PARD3B: variants seen among roughly 807,000 people sequenced by gnomAD.
PARD3B encodes the protein par-3 family cell polarity regulator beta.
Under a neutral mutation model 130.2 loss-of-function variants are expected in PARD3B, and 103 were observed. That is an observed-to-expected ratio of 0.79 (90% CI 0.67 to 0.93). PARD3B has a LOEUF of 0.93. Among genes scored for constraint, PARD3B ranks in the 40% least tolerant of loss-of-function variants. The pLI, the probability that PARD3B is intolerant of heterozygous loss-of-function variation, is 0.00. For synonymous variants in PARD3B, 583 were observed against 553.2 expected (o/e 1.05, Z -0.76); for missense variants, 1,609 against 1,499.2 (o/e 1.07, Z -1.21).
chr2:205,260,156 CA>C (rs929587394), intron 16 of PARD3B, among the ~76,000 whole-genome samples: 1 of 151,798 alleles, frequency 6.6e-6, no homozygotes, highest in Non-Finnish European at 1.5e-5. Context: ...TAGTTAATGA[CA>C]AAAAATAGGA....
At chr2:205,362,223 G>A (rs2105882650) in intron 18 of PARD3B, among the ~76,000 whole-genome samples, 2 of 152,222 alleles carry the variant, frequency 1.3e-5, no homozygotes. Context: ...TTGAGTCACA[G>A]CATTAAATAT....
At chr2:204,659,479 A>G (rs1349318296) in intron 1 of PARD3B, among the ~76,000 whole-genome samples, 1 of 152,158 alleles carries the variant, frequency 6.6e-6, no homozygotes, top group Non-Finnish European at 1.5e-5. Flanking sequence ...AGGAATGGTG[A>G]TAGGTGGCCA....
intron 10 of PARD3B, among the ~76,000 whole-genome samples, chr2:205,149,240 G>T (rs1199903518): frequency 6.6e-6 from 1 of 152,010 alleles, no homozygotes; most frequent in Non-Finnish European, 1.5e-5. Flanking sequence ...GCCTGACCAG[G>T]TAGACTCTTC....
chr2:204,572,341 G>T (rs2125069502), intron 1 of PARD3B, among the ~76,000 whole-genome samples: 1 of 152,230 alleles, frequency 6.6e-6, no homozygotes, highest in South Asian at 2.1e-4. Flanking sequence ...ACATGTAGTG[G>T]GAATGAGGGG....
intron 22 of PARD3B, among the ~76,000 whole-genome samples, chr2:205,579,110 T>C (rs1445096998): frequency 6.6e-6 from 1 of 152,220 alleles, no homozygotes; most frequent in African/African-American, 2.4e-5. Flanking sequence ...AGAAAATATA[T>C]TTCTCTTCCT....
At chr2:204,888,980 A>C (rs1314720947) in intron 2 of PARD3B, among the ~76,000 whole-genome samples, 1 of 151,192 alleles carries the variant, frequency 6.6e-6, no homozygotes, top group Non-Finnish European at 1.5e-5. Context: ...AGGCCAGATG[A>C]GGAATATTAT....
chr2:204,831,404 A>T (rs1281045718), intron 2 of PARD3B, among the ~76,000 whole-genome samples: 1 of 152,238 alleles, frequency 6.6e-6, no homozygotes, highest in Non-Finnish European at 1.5e-5. Flanking sequence ...AACTCAATCC[A>T]CATGTCTTAA....
chr2:205,231,232 G>A (rs746526029), intron 15 of PARD3B, among the ~76,000 whole-genome samples: 4 of 151,890 alleles, frequency 2.6e-5, no homozygotes, highest in Admixed American at 6.6e-5. Flanking sequence ...TCCTCATTAC[G>A]TTTTAAGACT....
chr2:205,262,792 C>T (rs575545105), intron 16 of PARD3B, among the ~76,000 whole-genome samples: 72 of 152,206 alleles, frequency 4.7e-4, no homozygotes, highest in African/African-American at 1.7e-3. Context: ...GAAATGGCTA[C>T]AGCAACACCT....
chr2:205,397,083 A>C lies in PARD3B; in HGVS notation c.2631-3930A>C, dbSNP rs2046059346. ...TTGTCTTATTGCAAAATGAAAAAGA[A>C]TTCAGTGTGTTAATAAATAAAATGC... On this transcript the variant is annotated intron_variant, in intron 18 of 22. Transcript: ENST00000406610. This position sits in a 1 kb window ranked among gnomAD's most constrained non-coding sequence, Gnocchi z 4.8. Among the ~76,000 whole-genome samples the C allele has an allele frequency of 6.6e-6, 1 of 152,210 alleles. No homozygotes were observed. The highest frequency in any genetic ancestry group is 1.5e-5 in the Non-Finnish European group (1 of 68,036).
In PARD3B at chr2:205,309,893, CATCTATCTATCTATCTATCT is replaced by C. The variant is rs59814500; in HGVS notation, c.2630+8208_2630+8227del. Among the ~76,000 whole-genome samples, 79 of 150,676 alleles carry C rather than the reference CATCTATCTATCTATCTATCT, an allele frequency of 5.2e-4. No individual in the cohort carries two copies. The highest frequency in any genetic ancestry group is 3.4e-3 in the Middle Eastern group (1 of 294). The stretch of plus-strand genomic sequence containing the variant: ...AACTTGATAGACATTACTTCTTATC[CATCTATCTATCTATCTATCT>C]ATCTATCTATCTATCATCTATTTTT... On this transcript the variant is annotated intron_variant, in intron 18 of 22. Transcript: ENST00000406610. This position sits in a 1 kb window ranked among gnomAD's most constrained non-coding sequence, Gnocchi z 4.7.
rs528292925 is a variant in PARD3B at position 205,008,208 on chromosome 2, G to A, written c.395-39373G>A. Among the ~76,000 whole-genome samples the A allele has an allele frequency of 1.4e-4, 22 of 152,114 alleles. No homozygotes were observed. The South Asian group carries it at 4.6e-3, about 32-fold the overall frequency. Reference sequence around the variant, plus strand: ...AAAAAATTTTCTTATCCAACTTGGGGCATGTTTTTCTGGAAGTTGAGCTTT... The same window carrying A: ...AAAAAATTTTCTTATCCAACTTGGGACATGTTTTTCTGGAAGTTGAGCTTT... On this transcript the variant is annotated intron_variant, in intron 3 of 22. Transcript: ENST00000406610.
chr2:204,643,241 C>T (rs2035157637), intron 1 of PARD3B, among the ~76,000 whole-genome samples: 1 of 151,668 alleles, frequency 6.6e-6, no homozygotes, highest in Admixed American at 6.6e-5. Flanking sequence ...CCTGAGGCCT[C>T]CCTAGCCGTG....
intron 3 of PARD3B, among the ~76,000 whole-genome samples, chr2:205,034,108 G>T (rs188642820): frequency 2.0e-5 from 3 of 152,128 alleles, no homozygotes; most frequent in African/African-American, 7.2e-5. Flanking sequence ...TACTAGACGA[G>T]ATACCCTTTT....
intron 15 of PARD3B, among the ~76,000 whole-genome samples, chr2:205,243,169 A>T (rs1344535160): frequency 6.6e-6 from 1 of 151,972 alleles, no homozygotes; most frequent in African/African-American, 2.4e-5. Flanking sequence ...TCCGTCTCAA[A>T]AAAAAAAAAG....
intron 1 of PARD3B, among the ~76,000 whole-genome samples, chr2:204,670,998 A>T (rs1216137500): frequency 6.6e-6 from 1 of 152,100 alleles, no homozygotes; most frequent in Non-Finnish European, 1.5e-5. Flanking sequence ...TGATCACATC[A>T]GGATTGGTTT....
chr2:205,306,675 A>G (rs1380429994), intron 18 of PARD3B, among the ~76,000 whole-genome samples: 1 of 152,134 alleles, frequency 6.6e-6, no homozygotes, highest in African/African-American at 2.4e-5. Context: ...TCTTTCCACG[A>G]TTTTAGCAAA....
intron 2 of PARD3B, among the ~76,000 whole-genome samples, chr2:204,886,698 T>C (rs912298645): frequency 6.6e-5 from 10 of 152,186 alleles, no homozygotes; most frequent in Non-Finnish European, 1.3e-4. Context: ...ACAGATACAA[T>C]CAATAATTTC....
intron 1 of PARD3B, among the ~76,000 whole-genome samples, chr2:204,635,132 T>C (rs187944630): frequency 2.3e-4 from 35 of 152,340 alleles, no homozygotes; most frequent in Non-Finnish European, 4.3e-4. Context: ...CCAAGTTTTT[T>C]AGCCAGTGGA....
Sources: allele counts gnomAD v4.1 joint callset (sites outside exome capture counted in the v4.1 genomes callset), GRCh38; gene constraint gnomAD v4.1.1; non-coding constraint Gnocchi (gnomAD v3.1); transcripts MANE v1.5; gene names NCBI Gene and HGNC (gene_info 2026-07-23, HGNC 2026-07-21).